PRDM11: variants seen among roughly 807,000 people sequenced by gnomAD.
PRDM11 encodes the protein PR domain-containing protein 11.
Under a neutral mutation model 97.8 loss-of-function variants are expected in PRDM11, and 20 were observed. The ratio of observed to expected loss-of-function variants is 0.20; its 90% CI spans 0.14 to 0.30. The LOEUF (loss-of-function observed/expected upper bound fraction) is 0.30. PRDM11 is among the 10% of genes least tolerant of loss of function. The pLI, the probability that PRDM11 is intolerant of heterozygous loss-of-function variation, is 1.00. For missense variants in PRDM11, 1,139 were observed against 1,555.2 expected, an observed-to-expected ratio of 0.73 and a Z score of 4.50; for synonymous variants, 599 against 637.7, an observed-to-expected ratio of 0.94 and a Z score of 0.91.
At chr11:45,225,946 C>A (rs28378734) in intron 7 of PRDM11, 49 bp from the exon 8 acceptor site, 1 of 1,441,838 alleles carries the variant, frequency 6.9e-7, no homozygotes, top group African/African-American at 1.4e-5. Context: ...TTTGGAAAAG[C>A]CTGTTTTCTC....
intron 5 of PRDM11, among the ~76,000 whole-genome samples, chr11:45,211,181 C>T (rs1219252752): frequency 6.6e-6 from 1 of 152,190 alleles, no homozygotes; most frequent in African/African-American, 2.4e-5. Context: ...CCATGCTAGA[C>T]AGGTCTCTGG....
chr11:45,095,995 C>T, intron 1 of PRDM11: 1 of 715,874 alleles, frequency 1.4e-6, no homozygotes, highest in Non-Finnish European at 2.6e-6. Context: ...GATCTTTATT[C>T]AGGCCCCTGC....
upstream of PRDM11, among the ~76,000 whole-genome samples, chr11:45,146,224 G>T (rs1265626869): frequency 2.0e-5 from 3 of 152,088 alleles, no homozygotes; most frequent in African/African-American, 7.2e-5. Flanking sequence ...GGCCAGCCGC[G>T]GAGCCCTGAA....
At position 45,218,954 on chromosome 11, in the gene PRDM11, A is replaced by C. The variant is rs1220193888; in HGVS notation, c.555-616A>C. 2.0e-5 allele frequency among the ~76,000 whole-genome samples: 3 copies of C among 152,304 alleles called. No homozygotes were observed. The East Asian group carries it at 5.8e-4, about 29-fold the overall frequency. On this transcript the variant is annotated intron_variant, in intron 5 of 7. Transcript: ENST00000683152. The stretch of plus-strand genomic sequence containing the variant: ...GGCCTCTCTGAGCCTCAGTCTCCTT[A>C]CCTTAAAATCATTTAGTAAGATTAA...
chr11:45,137,117 C>G (rs968064263), intron 1 of PRDM11, among the ~76,000 whole-genome samples: 3 of 149,808 alleles, frequency 2.0e-5, no homozygotes, highest in Non-Finnish European at 3.0e-5. Context: ...GAGCTGAGAT[C>G]GCACCACTGC....
At chr11:45,188,102 GCACAA>G (rs1345554594) in intron 4 of PRDM11, among the ~76,000 whole-genome samples, 1 of 152,072 alleles carries the variant, frequency 6.6e-6, no homozygotes, top group Non-Finnish European at 1.5e-5. Context: ...CCCCCATTCA[GCACAA>G]CACATTTCCC....
upstream of PRDM11, among the ~76,000 whole-genome samples, chr11:45,143,267 A>G (rs1190703945): frequency 3.3e-5 from 5 of 152,174 alleles, no homozygotes; most frequent in African/African-American, 1.2e-4. Flanking sequence ...TCTTCCTTCT[A>G]GGATCCAGGG....
At chr11:45,181,712 C>T (rs1852508247) in intron 1 of PRDM11, 49 bp from the exon 2 acceptor site, 4 of 1,531,090 alleles carry the variant, frequency 2.6e-6, no homozygotes, top group African/African-American at 1.4e-5. Context: ...TCCTCTTCCC[C>T]TGTTTCTTTG....
chr11:45,145,157 T>C (rs753207464), upstream of PRDM11, among the ~76,000 whole-genome samples: 1 of 152,136 alleles, frequency 6.6e-6, no homozygotes, highest in Non-Finnish European at 1.5e-5. Flanking sequence ...CATGGCTCCT[T>C]ACACAGAGCC....
intron 1 of PRDM11, among the ~76,000 whole-genome samples, chr11:45,178,144 C>G (rs1330978961): frequency 6.6e-6 from 1 of 151,526 alleles, no homozygotes; most frequent in African/African-American, 2.4e-5. Context: ...CTCTTTTCTC[C>G]CTTCTCTCCT....
At chr11:45,149,842 G>A (rs567674813) in intron 1 of PRDM11, among the ~76,000 whole-genome samples, 4 of 152,360 alleles carry the variant, frequency 2.6e-5, no homozygotes, top group South Asian at 2.1e-4. Context: ...TGTTGGGGCT[G>A]TTTGTTACTG....
chr11:45,185,192 G>C (rs544871829), intron 4 of PRDM11, among the ~76,000 whole-genome samples: 3 of 152,334 alleles, frequency 2.0e-5, no homozygotes, highest in African/African-American at 7.2e-5. Flanking sequence ...CTGAACCTGA[G>C]GCAATTTTGC....
At chr11:45,163,095 C>A (rs1414856877) in intron 1 of PRDM11, among the ~76,000 whole-genome samples, 1 of 152,188 alleles carries the variant, frequency 6.6e-6, no homozygotes, top group African/African-American at 2.4e-5. Context: ...CAGCTGTCCA[C>A]ACTGGAGCTC....
Position 45,233,626 on chromosome 11 carries a change from G to GC in PRDM11, c.*5471dup, listed in dbSNP as rs1358767609. 6.6e-6 allele frequency: 1 copy of GC among 152,328 alleles called. No individual in the cohort carries two copies. The highest frequency in any genetic ancestry group is 2.4e-5 in the African/African-American group (1 of 41,448). The allele number at this position is 152,328 out of a possible 1,614,324, so 9.4% of individuals were successfully genotyped here. On this transcript the variant is annotated 3_prime_UTR_variant, in exon 8 of 8. Transcript: ENST00000683152. The stretch of plus-strand genomic sequence containing the variant: ...CCCTGCCCTGTTAGATGCTTCTGCT[G>GC]CCCCTAGAGGCCAAGCCCCTGAAGT...
rs1353442414 is a variant in PRDM11, at chr11:45,226,141, C to T, written c.1516C>T (p.Arg506Cys). ...MSSATGRRIR[R>C]FKQEWLKKFW... ...ATCGGCCACCGGGCGCCGAATCCGG[C>T]GCTTTAAGCAGGAATGGCTGAAGAA... is the stretch of plus-strand genomic sequence containing the variant. Residue 506 changes from arginine (R) to cysteine (C), a missense_variant, in exon 8 of 8, where the codon CGC becomes TGC. This residue lies in a region of PRDM11 where 710 missense variants were observed against 1,044.9 expected (regional missense o/e 0.68). Transcript: ENST00000683152. 2.0e-6 allele frequency: 3 copies of T among 1,533,214 alleles called. No individual in the cohort carries two copies. The highest frequency in any genetic ancestry group is 2.6e-6 in the Non-Finnish European group (3 of 1,146,072). 95.0% of individuals were successfully genotyped at this position (1,533,214 alleles called of 1,614,324 possible).
intron 1 of PRDM11, among the ~76,000 whole-genome samples, chr11:45,165,045 G>A (rs1033292218): frequency 3.3e-5 from 5 of 152,176 alleles, no homozygotes; most frequent in African/African-American, 9.7e-5. Context: ...TTATGTGGCA[G>A]GGGGCGGGGG....
chr11:45,224,189 T>C lies in PRDM11; in HGVS notation c.743-28T>C, dbSNP rs755143403. The C allele has an allele frequency of 3.3e-5, 50 of 1,534,562 alleles. 1 individual carries two copies. In the South Asian group the frequency reaches 6.1e-4, roughly 19 times the overall value. On this transcript the variant is annotated intron_variant, in intron 6 of 7. Coordinates refer to ENST00000683152, the MANE Select transcript of PRDM11 (RefSeq NM_001384648.1). Reference sequence around the variant, plus strand: ...TCTCCAATTTGGGGGTTTTCCCCATTTCCTTACACCCTGGTTTTCCTTCCT... The same window carrying C: ...TCTCCAATTTGGGGGTTTTCCCCATCTCCTTACACCCTGGTTTTCCTTCCT...
At chr11:45,183,248 A>G in intron 4 of PRDM11, 125 bp downstream of exon 4, 1 of 1,292,070 alleles carries the variant, frequency 7.7e-7, no homozygotes, top group Non-Finnish European at 1.0e-6. Flanking sequence ...GGACCTGTCG[A>G]TGATGGATCT....
chr11:45,191,937 C>T (rs575795621), intron 4 of PRDM11, among the ~76,000 whole-genome samples: 9 of 152,052 alleles, frequency 5.9e-5, no homozygotes, highest in Non-Finnish European at 1.2e-4. Flanking sequence ...CCTAACAACC[C>T]GTCATCTAGG....
Sources: allele counts gnomAD v4.1 joint callset (sites outside exome capture counted in the v4.1 genomes callset), GRCh38; gene constraint gnomAD v4.1.1; regional missense constraint gnomAD v4.1.1; transcripts MANE v1.5; gene names NCBI Gene and HGNC (gene_info 2026-07-23, HGNC 2026-07-21).